Variants in DYNC2H1 observed in about 807,000 individuals in gnomAD.
The protein encoded by DYNC2H1 is dynein cytoplasmic 2 heavy chain 1.
In DYNC2H1, 410 loss-of-function variants were observed where a neutral mutation model predicts 570.0. The observed-to-expected ratio is 0.72, with a 90% CI of 0.66 to 0.78. DYNC2H1 has a LOEUF of 0.78. DYNC2H1 is among the 30% of genes least tolerant of loss of function. The pLI is 0.00. For missense variants in DYNC2H1, 4,865 were observed against 5,046.4 expected (o/e 0.96, Z 1.09); for synonymous variants, 1,688 against 1,677.6 (o/e 1.01, Z -0.15).
chr11:103,463,649 G>C (rs1399794719), intron 87 of DYNC2H1, among the ~76,000 whole-genome samples: 1 of 152,154 alleles, frequency 6.6e-6, no homozygotes, highest in Non-Finnish European at 1.5e-5. Context: ...TACTCAAGAG[G>C]CTGAGGTGGG....
At chr11:103,415,382 C>G (rs1264462291) in intron 84 of DYNC2H1, among the ~76,000 whole-genome samples, 2 of 152,122 alleles carry the variant, frequency 1.3e-5, no homozygotes, top group Non-Finnish European at 2.9e-5. Context: ...AGTGAACAGG[C>G]AACCTACAGA....
intron 78 of DYNC2H1, among the ~76,000 whole-genome samples, chr11:103,310,693 TTTTTTG>T (rs1234966750): frequency 1.1e-5 from 1 of 88,556 alleles, no homozygotes; most frequent in African/African-American, 5.8e-5. Flanking sequence ...TTTTTTTTTT[TTTTTTG>T]GGAGACTGAG....
chr11:103,191,298 G>C (rs1290386457), intron 45 of DYNC2H1, among the ~76,000 whole-genome samples: 1 of 151,920 alleles, frequency 6.6e-6, no homozygotes, highest in African/African-American at 2.4e-5. Flanking sequence ...CTCAGCCTCT[G>C]AAAGTGCTGG....
At chr11:103,302,733 G>A (rs989988136) in intron 75 of DYNC2H1, among the ~76,000 whole-genome samples, 3 of 152,004 alleles carry the variant, frequency 2.0e-5, no homozygotes, top group Admixed American at 6.6e-5. Flanking sequence ...ATAGATTGAT[G>A]GTTGGGTTCA....
rs1385792771 is a variant in DYNC2H1 at position 103,147,883 on chromosome 11, A to G, written c.2814A>G (p.Ile938Met). The change falls in exon 19 of 89, where the codon ATA (isoleucine) becomes ATG (methionine). Residue 938 changes from isoleucine to methionine, a missense_variant. Ile to Met is a conservative substitution (Grantham distance 10, BLOSUM62 1). Coordinates refer to ENST00000375735, the MANE Select transcript of DYNC2H1 (RefSeq NM_001377.3). ...DLLVLSLKKSIQAHLHEIDTF... is the reference protein window; with the variant it reads ...DLLVLSLKKSMQAHLHEIDTF... ...TTGTTCTTTCTTTGAAGAAGTCCAT[A>G]CAGGGTAAATACACATTTTAATTTT... 6.3e-7 allele frequency: 1 copy of G among 1,592,816 alleles called. No homozygotes were observed. Among genetic ancestry groups the G allele is most frequent in the Non-Finnish European group, 8.6e-7 (1 of 1,163,254 alleles).
intron 17 of DYNC2H1, among the ~76,000 whole-genome samples, chr11:103,140,503 T>G (rs924476006): frequency 6.6e-6 from 1 of 152,208 alleles, no homozygotes; most frequent in African/African-American, 2.4e-5. Flanking sequence ...AATTCTGGGT[T>G]GAAACTTCTT....
intron 4 of DYNC2H1, among the ~76,000 whole-genome samples, chr11:103,115,733 C>T (rs1052964598): frequency 1.3e-5 from 2 of 151,930 alleles, no homozygotes; most frequent in Admixed American, 6.6e-5. Context: ...TTGCAGTGAG[C>T]GGAGATCGTG....
At chr11:103,154,847 G>A in intron 24 of DYNC2H1, 38 bp downstream of exon 24, 2 of 1,447,138 alleles carry the variant, frequency 1.4e-6, no homozygotes, top group Non-Finnish European at 9.3e-7. Context: ...TAAAAACAAT[G>A]TTTGGAGCTT....
intron 59 of DYNC2H1, among the ~76,000 whole-genome samples, chr11:103,230,618 CT>C (rs1177481368): frequency 6.6e-6 from 1 of 152,080 alleles, no homozygotes; most frequent in East Asian, 1.9e-4. Context: ...TTATTGTTAC[CT>C]TCATAAGTAT....
Position 103,154,463 on chromosome 11 carries a change from T to A in DYNC2H1, c.3315T>A (p.His1105Gln). ...TTTGTTTCTATAGTGATGATTGCCA[T>A]CATTTTAGACTGGAAGAGCCTAATT... ...VTRKKLVDDC[H>Q]HFRLEEPNFS... The change falls in exon 23 of 89, where the codon CAT becomes CAA. Residue 1105 changes from histidine to glutamine, a missense_variant. By Grantham distance (24) the His-to-Gln change is conservative (BLOSUM62 0). Around this residue, in one of 5 missense-constraint regions of DYNC2H1, gnomAD observed 1,936 missense variants for 1,962.1 expected, o/e 0.99. Transcript: ENST00000375735. 1 of 1,536,580 alleles carries A rather than the reference T, an allele frequency of 6.5e-7. No homozygotes were observed. Among genetic ancestry groups the A allele is most frequent in the Non-Finnish European group, 8.7e-7 (1 of 1,145,494 alleles).
intron 83 of DYNC2H1, among the ~76,000 whole-genome samples, chr11:103,375,837 A>G (rs1941369111): frequency 6.6e-6 from 1 of 152,126 alleles, no homozygotes; most frequent in Admixed American, 6.5e-5. Context: ...ACTTTTGGGT[A>G]GTGCTGGAAT....
At position 103,186,521 on chromosome 11, in the gene DYNC2H1, A is replaced by T. The variant is rs772371555; in HGVS notation, c.6893+20A>T. On this transcript the variant is annotated intron_variant, in intron 42 of 88. Transcript: ENST00000375735. The surrounding 1 kb of genome is among the most constrained non-coding windows in gnomAD (Gnocchi z 4.5). ...CAAAGGGTAAGAAAAATATTGGCAA[A>T]GGTATATGTTGTGGATTTATTCCTG... The T allele has an allele frequency of 6.2e-7, 1 of 1,602,158 alleles. No individual in the cohort carries two copies. The highest frequency in any genetic ancestry group is 1.7e-5 in the Admixed American group (1 of 59,662).
chr11:103,164,573 CTT>C (rs1003661086), intron 30 of DYNC2H1, among the ~76,000 whole-genome samples: 3 of 152,094 alleles, frequency 2.0e-5, no homozygotes, highest in Non-Finnish European at 4.4e-5. Flanking sequence ...AAGAATCTGA[CTT>C]TGGTTTAAAT....
chr11:103,371,826 GTTTC>G (rs2135555563), intron 83 of DYNC2H1, among the ~76,000 whole-genome samples: 1 of 147,808 alleles, frequency 6.8e-6, no homozygotes, highest in African/African-American at 2.5e-5. Context: ...TACTGAATTT[GTTTC>G]TTCTCACAGT....
At chr11:103,138,409 G>GT (rs1565332504) in intron 17 of DYNC2H1, among the ~76,000 whole-genome samples, 1 of 151,756 alleles carries the variant, frequency 6.6e-6, no homozygotes, top group Admixed American at 6.6e-5. Flanking sequence ...CTCATCAAGA[G>GT]TTTTTAGCAT....
At position 103,479,309 on chromosome 11, in the gene DYNC2H1, T is replaced by A; in HGVS notation, c.*56T>A. 1 of 1,559,332 alleles carries A rather than the reference T, an allele frequency of 6.4e-7. No homozygotes were observed. On this transcript the variant is annotated 3_prime_UTR_variant, in exon 89 of 89. Transcript: ENST00000375735. ...AAAGGGAACATTGATTCTTTAAGCTTTAAATCAAACATGTGGTCAGTCTAC... is the reference window on the plus strand; with the variant it reads ...AAAGGGAACATTGATTCTTTAAGCTATAAATCAAACATGTGGTCAGTCTAC...
At chr11:103,149,282 A>G (rs191347128) in intron 20 of DYNC2H1, among the ~76,000 whole-genome samples, 39 of 152,336 alleles carry the variant, frequency 2.6e-4, no homozygotes, top group Admixed American at 2.5e-3. Context: ...ACATATACAC[A>G]TACATACATA....
At chr11:103,262,012 T>G (rs1163352803) in intron 70 of DYNC2H1, among the ~76,000 whole-genome samples, 2 of 152,076 alleles carry the variant, frequency 1.3e-5, no homozygotes, top group Non-Finnish European at 2.9e-5. Flanking sequence ...ATAAATGACC[T>G]GATGGAGCTG....
chr11:103,338,035 C>T (rs1939241045), intron 82 of DYNC2H1, among the ~76,000 whole-genome samples: 1 of 152,054 alleles, frequency 6.6e-6, no homozygotes, highest in Admixed American at 6.6e-5. Context: ...GTCTTTAATC[C>T]ATTTTGATTT....
Sources: gnomAD v4.1 joint callset for allele counts (sites outside exome capture counted in the v4.1 genomes callset) on GRCh38, gnomAD v4.1.1 for gene constraint, gnomAD v4.1.1 regional missense constraint, Gnocchi (gnomAD v3.1) non-coding constraint, MANE v1.5 for transcripts, NCBI Gene and HGNC (gene_info 2026-07-23, HGNC 2026-07-21) for gene names.